Variants in GRIN2B observed in about 807,000 individuals in gnomAD.
The protein encoded by GRIN2B is glutamate receptor ionotropic, NMDA 2B.
In GRIN2B, 5 loss-of-function variants were observed where a neutral mutation model predicts 114.5. The observed-to-expected ratio is 0.04, with a 90% CI of 0.02 to 0.09. The LOEUF (loss-of-function observed/expected upper bound fraction) is 0.09, where lower values mean the gene tolerates loss of function less well. GRIN2B is among the 10% of genes least tolerant of loss of function. GRIN2B has a pLI of 1.00. For missense variants in GRIN2B, 1,108 were observed against 1,943.5 expected (o/e 0.57, Z 8.08); for synonymous variants, 787 against 745.1 (o/e 1.06, Z -0.92).
At chr12:13,926,678 G>T (rs1210886111) in intron 2 of GRIN2B, among the ~76,000 whole-genome samples, 2 of 152,224 alleles carry the variant, frequency 1.3e-5, no homozygotes, top group Admixed American at 6.5e-5. Context: ...TTGTGGCCGG[G>T]TGTGGTGGCT....
chr12:13,867,174 CT>C (rs951997155), intron 2 of GRIN2B, among the ~76,000 whole-genome samples: 15 of 151,504 alleles, frequency 9.9e-5, no homozygotes, highest in South Asian at 2.1e-4. Context: ...AAAAATGTTC[CT>C]TTTTTTTTCC....
At chr12:13,907,918 T>C (rs1045727893) in intron 2 of GRIN2B, among the ~76,000 whole-genome samples, 11 of 152,176 alleles carry the variant, frequency 7.2e-5, no homozygotes, top group Admixed American at 3.3e-4. Flanking sequence ...GAATGGCATT[T>C]TACTTACTAC....
intron 3 of GRIN2B, among the ~76,000 whole-genome samples, chr12:13,776,701 A>G (rs7313323): frequency 0.052 from 7,892 of 152,242 alleles, 344 homozygotes; most frequent in East Asian, 0.21. Context: ...AGTGGGGATT[A>G]GAGCGGAGAC....
intron 4 of GRIN2B, among the ~76,000 whole-genome samples, chr12:13,679,957 T>C (rs1057225857): frequency 2.6e-5 from 4 of 152,012 alleles, no homozygotes; most frequent in Non-Finnish European, 5.9e-5. Flanking sequence ...GATACAAATA[T>C]AAGGTTATTT....
At chr12:13,899,608 A>G (rs1721085278) in intron 2 of GRIN2B, among the ~76,000 whole-genome samples, 2 of 144,126 alleles carry the variant, frequency 1.4e-5, no homozygotes, top group South Asian at 4.4e-4. Context: ...ATTATTTCCT[A>G]TGTCAAAATA....
Position 13,624,809 on chromosome 12 carries a change from C to G in GRIN2B, c.1126-8152G>C, listed in dbSNP as rs561685286. Among the ~76,000 whole-genome samples the G allele has an allele frequency of 2.6e-5, 4 of 152,278 alleles. No homozygotes were observed. In the South Asian group the frequency reaches 6.2e-4, roughly 24 times the overall value. On this transcript the variant is annotated intron_variant, in intron 5 of 13. Transcript: ENST00000609686. ...GCTGAGCCCTGCCTCTCCAAGAGAGCCCAGGCCCCCTCAGCGCTGTGTGTA... is the reference window on the plus strand; with the variant it reads ...GCTGAGCCCTGCCTCTCCAAGAGAGGCCAGGCCCCCTCAGCGCTGTGTGTA...
intron 2 of GRIN2B, among the ~76,000 whole-genome samples, chr12:13,967,078 G>GA (rs1302860004): frequency 5.3e-5 from 8 of 152,162 alleles, no homozygotes; most frequent in African/African-American, 1.9e-4. Flanking sequence ...TACAAGTGCT[G>GA]AAAATACAAC....
chr12:13,922,790 G>A (rs7962803), intron 2 of GRIN2B, among the ~76,000 whole-genome samples: 1 of 152,214 alleles, frequency 6.6e-6, no homozygotes, highest in Non-Finnish European at 1.5e-5. Flanking sequence ...GGGAAACAAC[G>A]CCTCCTCCAG....
chr12:13,844,793 C>T (rs1363901691), intron 3 of GRIN2B, among the ~76,000 whole-genome samples: 4 of 152,162 alleles, frequency 2.6e-5, no homozygotes, highest in African/African-American at 4.8e-5. Flanking sequence ...ACTGCACAAT[C>T]GTTATGAGTA....
intron 10 of GRIN2B, among the ~76,000 whole-genome samples, chr12:13,602,913 G>C (rs1290060875): frequency 6.6e-6 from 1 of 152,198 alleles, no homozygotes; most frequent in Non-Finnish European, 1.5e-5. Context: ...CACAATGGTG[G>C]TAGGAACGTG....
At chr12:13,831,276 G>A (rs1865140907) in intron 3 of GRIN2B, among the ~76,000 whole-genome samples, 1 of 152,092 alleles carries the variant, frequency 6.6e-6, no homozygotes, top group Non-Finnish European at 1.5e-5. Context: ...TTAGCCTCAG[G>A]TACTCCTTTA....
intron 10 of GRIN2B, among the ~76,000 whole-genome samples, chr12:13,584,857 C>T (rs1170197644): frequency 1.3e-5 from 2 of 152,186 alleles, no homozygotes; most frequent in South Asian, 2.1e-4. Flanking sequence ...AGGTGGCCTT[C>T]GTTGAGCTCC....
rs1402040664 is a variant in GRIN2B at position 13,544,048 on chromosome 12, T to A, written c.*18735A>T. ...TTGTCAACATAAAATGGGCTGTTAT[T>A]TTTCCCATCTTAAAAAAAGAAGTCC... On this transcript the variant is annotated 3_prime_UTR_variant, in exon 14 of 14. Transcript: ENST00000609686. 1 of 152,168 alleles carries A rather than the reference T, an allele frequency of 6.6e-6. No individual in the cohort carries two copies. The highest frequency in any genetic ancestry group is 2.4e-5 in the African/African-American group (1 of 41,424). The allele number at this position is 152,168 out of a possible 1,614,324, so 9.4% of individuals were successfully genotyped here.
At chr12:13,906,033 A>T (rs574498973) in intron 2 of GRIN2B, among the ~76,000 whole-genome samples, 31 of 152,308 alleles carry the variant, frequency 2.0e-4, no homozygotes, top group Admixed American at 1.2e-3. Context: ...AGTGCAGCTT[A>T]ATTATCAGCA....
intron 3 of GRIN2B, among the ~76,000 whole-genome samples, chr12:13,788,080 G>A (rs184656093): frequency 6.6e-6 from 1 of 152,344 alleles, no homozygotes; most frequent in East Asian, 1.9e-4. Flanking sequence ...GAAGAGGAAG[G>A]AAGGATAAAA....
chr12:13,869,231 C>CTTTTTTTTTCTTTTTT (rs1865870056), intron 2 of GRIN2B, among the ~76,000 whole-genome samples: 1 of 126,042 alleles, frequency 7.9e-6, no homozygotes, highest in African/African-American at 3.1e-5. Flanking sequence ...TTTTCTTTTT[C>CTTTTTTTTTCTTTTTT]TTTTTTTTTC....
At chr12:13,838,540 C>T (rs959817088) in intron 3 of GRIN2B, among the ~76,000 whole-genome samples, 2 of 152,140 alleles carry the variant, frequency 1.3e-5, no homozygotes, top group African/African-American at 4.8e-5. Flanking sequence ...ACAGCGCCAA[C>T]CTTCTGGCCT....
chr12:13,601,709 G>T (rs939767888), intron 10 of GRIN2B, among the ~76,000 whole-genome samples: 1 of 151,504 alleles, frequency 6.6e-6, no homozygotes, highest in Non-Finnish European at 1.5e-5. Flanking sequence ...AAAGAGGGTC[G>T]TTCAAGGGGA....
chr12:13,910,337 T>C (rs1866608885), intron 2 of GRIN2B, among the ~76,000 whole-genome samples: 1 of 152,162 alleles, frequency 6.6e-6, no homozygotes, highest in South Asian at 2.1e-4. Context: ...TGCAAGAATC[T>C]ATGTCTCTAA....
Sources: allele counts gnomAD v4.1 joint callset (sites outside exome capture counted in the v4.1 genomes callset), GRCh38; gene constraint gnomAD v4.1.1; transcripts MANE v1.5; gene names NCBI Gene and HGNC (gene_info 2026-07-23, HGNC 2026-07-21).